SLC38A4: variants seen among roughly 807,000 people sequenced by gnomAD.
SLC38A4 encodes sodium-coupled neutral amino acid transporter 4.
In SLC38A4, 20 loss-of-function variants were observed where a neutral mutation model predicts 63.1. The observed-to-expected ratio is 0.32, with a 90% CI of 0.22 to 0.46. SLC38A4 has a LOEUF of 0.46. SLC38A4 is among the 20% of genes least tolerant of loss of function. The pLI, the probability that SLC38A4 is intolerant of heterozygous loss-of-function variation, is 1.00. For missense variants in SLC38A4, 526 were observed against 663.6 expected, an observed-to-expected ratio of 0.79 and a Z score of 2.28; for synonymous variants, 230 against 225.5, an observed-to-expected ratio of 1.02 and a Z score of -0.18.
intron 14 of SLC38A4, among the ~76,000 whole-genome samples, chr12:46,769,737 G>C (rs1938375616): frequency 6.6e-6 from 1 of 151,974 alleles, no homozygotes; most frequent in South Asian, 2.1e-4. Context: ...TCTACGTTTG[G>C]AGACACAAAT....
At chr12:46,768,144 G>C (rs1032200633) in intron 16 of SLC38A4, among the ~76,000 whole-genome samples, 166 bp downstream of exon 16, 2 of 152,066 alleles carry the variant, frequency 1.3e-5, no homozygotes, top group African/African-American at 2.4e-5. Flanking sequence ...AATCATTTGA[G>C]TTTCAGAAAT....
intron 14 of SLC38A4, among the ~76,000 whole-genome samples, chr12:46,772,467 A>G (rs1404745142): frequency 6.6e-6 from 1 of 152,046 alleles, no homozygotes; most frequent in Non-Finnish European, 1.5e-5. Flanking sequence ...GAAATATGGA[A>G]ACTTTACTGC....
intron 1 of SLC38A4, among the ~76,000 whole-genome samples, chr12:46,820,195 A>G (rs1246563564): frequency 6.6e-6 from 1 of 151,970 alleles, no homozygotes; most frequent in East Asian, 1.9e-4. Flanking sequence ...GTTTGAGATA[A>G]GAACACTTAA....
chr12:46,802,635 G>T (rs1018255762), intron 2 of SLC38A4, among the ~76,000 whole-genome samples: 3 of 152,024 alleles, frequency 2.0e-5, no homozygotes, highest in African/African-American at 7.2e-5. Flanking sequence ...GAAACTGGAG[G>T]ATCTTGAACT....
chr12:46,822,891 T>C (rs1346306560), intron 1 of SLC38A4, among the ~76,000 whole-genome samples: 1 of 152,250 alleles, frequency 6.6e-6, no homozygotes, highest in Non-Finnish European at 1.5e-5. Context: ...GGTTTAATTC[T>C]TCAATGTGGG....
intron 7 of SLC38A4, among the ~76,000 whole-genome samples, chr12:46,780,750 C>G (rs576163256): frequency 3.3e-5 from 5 of 151,898 alleles, no homozygotes; most frequent in East Asian, 1.9e-4. Context: ...AATCTACAAG[C>G]CTTCTCCCTG....
upstream of SLC38A4, among the ~76,000 whole-genome samples, chr12:46,830,580 C>T (rs1939718247): frequency 6.6e-6 from 1 of 152,154 alleles, no homozygotes; most frequent in Non-Finnish European, 1.5e-5. Context: ...CGGGAACAGG[C>T]CATCCACTGT....
At chr12:46,789,438 T>C (rs557426468) in intron 3 of SLC38A4, among the ~76,000 whole-genome samples, 6 of 152,270 alleles carry the variant, frequency 3.9e-5, no homozygotes, top group South Asian at 2.1e-4. Flanking sequence ...GATGTCACTA[T>C]CCACAGAGCG....
chr12:46,769,066 A>G (rs1938357829), intron 15 of SLC38A4, among the ~76,000 whole-genome samples: 1 of 152,118 alleles, frequency 6.6e-6, no homozygotes, highest in African/African-American at 2.4e-5. Flanking sequence ...CATCTATCAG[A>G]AAAAGCAGCT....
chr12:46,814,236 T>C (rs1458347565), intron 1 of SLC38A4, among the ~76,000 whole-genome samples: 1 of 151,998 alleles, frequency 6.6e-6, no homozygotes, highest in African/African-American at 2.4e-5. Flanking sequence ...GACTATTATT[T>C]CACTTGTTAT....
Position 46,769,396 on chromosome 12 carries a change from GGGA to G in SLC38A4, c.1329_1331del (p.Pro444del). On this transcript the variant is annotated inframe_deletion, in exon 15 of 17. Transcript: ENST00000266579. ...GTCGTATCCAGCTGAAGGGTCGTTT[GGGA>G]AATAACAGTGTGATCACTGATGTAC... The G allele has an allele frequency of 6.2e-7, 1 of 1,613,366 alleles. No homozygotes were observed. Among genetic ancestry groups the G allele is most frequent in the Non-Finnish European group, 8.5e-7 (1 of 1,179,502 alleles).
chr12:46,823,133 A>G (rs1234221918), intron 1 of SLC38A4, among the ~76,000 whole-genome samples: 1 of 152,200 alleles, frequency 6.6e-6, no homozygotes, highest in East Asian at 1.9e-4. Flanking sequence ...CAATATATTT[A>G]CATTTCTTAT....
intron 2 of SLC38A4, among the ~76,000 whole-genome samples, chr12:46,801,461 A>T (rs1222765818): frequency 6.6e-6 from 1 of 152,098 alleles, no homozygotes; most frequent in African/African-American, 2.4e-5. Context: ...ATTTTACCTG[A>T]TAAGTGAAAG....
At chr12:46,828,581 C>T (rs1939690534), upstream of SLC38A4, among the ~76,000 whole-genome samples, 1 of 152,212 alleles carries the variant, frequency 6.6e-6, no homozygotes, top group Non-Finnish European at 1.5e-5. Context: ...CCTCAGCCTC[C>T]CAAAGAGCTG....
chr12:46,798,806 T>C (rs895518992), intron 2 of SLC38A4, among the ~76,000 whole-genome samples: 6 of 152,134 alleles, frequency 3.9e-5, no homozygotes, highest in Admixed American at 3.3e-4. Context: ...TTTTTTTTCT[T>C]ATTCCCATTG....
chr12:46,819,081 G>GGCAGA (rs1939493449), intron 1 of SLC38A4, among the ~76,000 whole-genome samples: 2 of 151,940 alleles, frequency 1.3e-5, no homozygotes, highest in South Asian at 4.1e-4. Flanking sequence ...GAATTTTGGA[G>GGCAGA]TTTGAGAATG....
intron 5 of SLC38A4, among the ~76,000 whole-genome samples, chr12:46,785,738 C>CTTTTTTT (rs11335369): frequency 4.5e-5 from 3 of 66,912 alleles, no homozygotes; most frequent in Non-Finnish European, 5.9e-5. Flanking sequence ...ACGAAAATTC[C>CTTTTTTT]TTTTTTTTTT....
intron 12 of SLC38A4, among the ~76,000 whole-genome samples, chr12:46,777,841 C>A (rs1002635166): frequency 6.6e-6 from 1 of 152,038 alleles, no homozygotes; most frequent in Admixed American, 6.6e-5. Flanking sequence ...GATATTGACA[C>A]ATCTCTTGTA....
intron 1 of SLC38A4, among the ~76,000 whole-genome samples, chr12:46,825,313 T>C (rs529277305): frequency 2.0e-3 from 287 of 140,514 alleles, no homozygotes; most frequent in South Asian, 7.6e-3. Context: ...TATACAAAGT[T>C]TATATATATA....
Sources: allele counts gnomAD v4.1 joint callset (sites outside exome capture counted in the v4.1 genomes callset), GRCh38; gene constraint gnomAD v4.1.1; transcripts MANE v1.5; gene names NCBI Gene and HGNC (gene_info 2026-07-23, HGNC 2026-07-21).